CFAP20DC: variants seen among roughly 807,000 people sequenced by gnomAD.
CFAP20DC encodes the protein protein CFAP20DC.
Under a neutral mutation model 101.7 loss-of-function variants are expected in CFAP20DC, and 84 were observed. That is an observed-to-expected ratio of 0.83 (90% CI 0.69 to 0.99). The LOEUF is 0.99. CFAP20DC is among the 50% of genes least tolerant of loss of function. The pLI is 0.00. For synonymous variants in CFAP20DC, 359 were observed against 351.2 expected (o/e 1.02, Z -0.25); for missense variants, 1,007 against 970.3 (o/e 1.04, Z -0.50).
chr3:58,848,973 A>G lies in CFAP20DC; in HGVS notation c.1971+59T>C, dbSNP rs752948858. On this transcript the variant is annotated intron_variant, in intron 13 of 16. Coordinates refer to ENST00000482387, the MANE Select transcript of CFAP20DC (RefSeq NM_001394063.1). ...ATACTGCTAAAAACATGGGTGGAAC[A>G]GAACGGAACACAGCAGGATGTATTG... 4.0e-6 allele frequency: 6 copies of G among 1,483,114 alleles called. No homozygotes were observed. In the Admixed American group the frequency reaches 1.2e-4, roughly 29 times the overall value. 91.9% of individuals were successfully genotyped at this position (1,483,114 alleles called of 1,614,324 possible).
At chr3:58,794,384 A>G (rs996222084) in intron 15 of CFAP20DC, 1 of 453,118 alleles carries the variant, frequency 2.2e-6, no homozygotes, top group Non-Finnish European at 4.5e-6. Flanking sequence ...TGATAGTGTT[A>G]ATTCAGTCAA....
At chr3:59,000,252 T>C (rs918634253) in intron 4 of CFAP20DC, among the ~76,000 whole-genome samples, 12 of 152,202 alleles carry the variant, frequency 7.9e-5, no homozygotes, top group African/African-American at 2.7e-4. Flanking sequence ...CTCTCTGTTA[T>C]TTAGGTTGAT....
At chr3:58,756,157 G>C (rs926208171) in intron 15 of CFAP20DC, among the ~76,000 whole-genome samples, 1 of 152,018 alleles carries the variant, frequency 6.6e-6, no homozygotes, top group African/African-American at 2.4e-5. Context: ...ACTCACATTG[G>C]TTCCTCCAAT....
At chr3:58,806,959 C>A (rs574962746) in intron 14 of CFAP20DC, among the ~76,000 whole-genome samples, 4 of 152,302 alleles carry the variant, frequency 2.6e-5, no homozygotes, top group African/African-American at 9.6e-5. Flanking sequence ...CGGAGTCTCA[C>A]TGACTGCTAG....
chr3:58,773,017 C>CA (rs1553654511), intron 15 of CFAP20DC, among the ~76,000 whole-genome samples: 1 of 146,026 alleles, frequency 6.8e-6, no homozygotes, highest in Non-Finnish European at 1.5e-5. Context: ...TTTTTTACTC[C>CA]TTTTTTTTTT....
intron 14 of CFAP20DC, among the ~76,000 whole-genome samples, chr3:58,816,026 C>G (rs1283988264): frequency 1.3e-5 from 2 of 151,766 alleles, no homozygotes; most frequent in Admixed American, 6.6e-5. Context: ...ACCCAAAGGA[C>G]TATAAATCAT....
chr3:59,038,788 CT>C (rs985400898), intron 4 of CFAP20DC, among the ~76,000 whole-genome samples: 7 of 152,114 alleles, frequency 4.6e-5, no homozygotes, highest in African/African-American at 1.4e-4. Flanking sequence ...TCATCTTTTA[CT>C]TAGTAAAAGC....
At chr3:58,719,894 C>T (rs567058737) in intron 3 of CFAP20DC, among the ~76,000 whole-genome samples, 60 of 152,352 alleles carry the variant, frequency 3.9e-4, no homozygotes, top group Non-Finnish European at 7.1e-4. Context: ...CTGGCTTTCC[C>T]CTGTCCTCGG....
intron 15 of CFAP20DC, among the ~76,000 whole-genome samples, chr3:58,760,318 T>A (rs1265114700): frequency 6.6e-6 from 1 of 152,222 alleles, no homozygotes. Context: ...AGTTCACTCA[T>A]GATTTTGCTC....
chr3:58,772,946 G>A (rs1015390229), intron 15 of CFAP20DC, among the ~76,000 whole-genome samples: 2 of 151,984 alleles, frequency 1.3e-5, no homozygotes, highest in African/African-American at 2.4e-5. Flanking sequence ...GAAATGTAGG[G>A]TTGGGCATGG....
intron 4 of CFAP20DC, among the ~76,000 whole-genome samples, chr3:59,021,856 G>A (rs1474182764): frequency 1.3e-5 from 2 of 152,104 alleles, no homozygotes; most frequent in Admixed American, 6.6e-5. Flanking sequence ...CACCTCCCAC[G>A]AGGGCTGGAC....
intron 4 of CFAP20DC, among the ~76,000 whole-genome samples, chr3:58,949,044 C>G (rs1014758246): frequency 1.2e-4 from 18 of 152,216 alleles, no homozygotes; most frequent in African/African-American, 3.6e-4. Flanking sequence ...AGGAATTTAT[C>G]CATTTCTTCT....
rs895554884 is a variant in CFAP20DC at position 58,892,847 on chromosome 3, G to A, written c.551-8138C>T. ...TTTTTTCTCTTGCCTGATTGTCCTCGCCAGAACTTCCAATACTATATTGCA... is the reference window on the plus strand; with the variant it reads ...TTTTTTCTCTTGCCTGATTGTCCTCACCAGAACTTCCAATACTATATTGCA... On this transcript the variant is annotated intron_variant, in intron 6 of 16. Transcript: ENST00000482387. The surrounding 1 kb of genome is among the most constrained non-coding windows in gnomAD (Gnocchi z 4.0). Among the ~76,000 whole-genome samples, 7 of 152,142 alleles carry A rather than the reference G, an allele frequency of 4.6e-5. No homozygotes were observed. Among genetic ancestry groups the A allele is most frequent in the East Asian group, 1.9e-4 (1 of 5,184 alleles).
At chr3:58,831,385 T>C (rs1424534735) in intron 14 of CFAP20DC, among the ~76,000 whole-genome samples, 2 of 152,256 alleles carry the variant, frequency 1.3e-5, no homozygotes, top group Non-Finnish European at 2.9e-5. Context: ...GGGCTTGTAC[T>C]AGGGGATACA....
rs73837974 is a variant in CFAP20DC at position 58,834,877 on chromosome 3, A to T, written c.1972-2988T>A. On this transcript the variant is annotated intron_variant, in intron 13 of 16. Coordinates refer to ENST00000482387, the MANE Select transcript of CFAP20DC (RefSeq NM_001394063.1). ...AACTAAATATATGCACAAACATTTTAAAATAGTATGTAGAGTACAAAACAT... is the reference window on the plus strand; with the variant it reads ...AACTAAATATATGCACAAACATTTTTAAATAGTATGTAGAGTACAAAACAT... Among the ~76,000 whole-genome samples, 687 of 152,308 alleles carry T rather than the reference A, an allele frequency of 4.5e-3. 5 individuals are homozygous for T. The highest frequency in any genetic ancestry group is 0.016 in the African/African-American group (649 of 41,568).
At chr3:58,909,542 A>G (rs1051732305) in intron 6 of CFAP20DC, among the ~76,000 whole-genome samples, 2 of 152,116 alleles carry the variant, frequency 1.3e-5, no homozygotes, top group African/African-American at 4.8e-5. Flanking sequence ...ATACTCTATC[A>G]GATACATTTT....
At chr3:58,982,044 G>A (rs1483807771) in intron 4 of CFAP20DC, among the ~76,000 whole-genome samples, 1 of 152,134 alleles carries the variant, frequency 6.6e-6, no homozygotes, top group Non-Finnish European at 1.5e-5. Context: ...AAAAGTGGGT[G>A]AAGGACATGA....
chr3:58,753,416 G>T (rs116637218), intron 16 of CFAP20DC, among the ~76,000 whole-genome samples: 1 of 152,128 alleles, frequency 6.6e-6, no homozygotes, highest in Non-Finnish European at 1.5e-5. Context: ...ACTATTATTC[G>T]TGTTATTTTA....
At chr3:58,816,722 C>A (rs943118722) in intron 14 of CFAP20DC, among the ~76,000 whole-genome samples, 7 of 152,174 alleles carry the variant, frequency 4.6e-5, no homozygotes, top group South Asian at 2.1e-4. Context: ...GAGGGGCGCC[C>A]GCCATTGCCC....
Sources: allele counts gnomAD v4.1 joint callset (sites outside exome capture counted in the v4.1 genomes callset), GRCh38; gene constraint gnomAD v4.1.1; non-coding constraint Gnocchi (gnomAD v3.1); transcripts MANE v1.5; gene names NCBI Gene and HGNC (gene_info 2026-07-23, HGNC 2026-07-21).